Variants in GALNT13 observed in about 807,000 individuals in gnomAD.
The protein encoded by GALNT13 is polypeptide N-acetylgalactosaminyltransferase 13, also known as UDP-GalNAc:polypeptide N-acetylgalactosaminyltransferase 13.
GALNT13 carries 28 observed loss-of-function variants against 64.2 expected under a neutral mutation model. The observed-to-expected ratio is 0.44, with a 90% CI of 0.32 to 0.60. The LOEUF (loss-of-function observed/expected upper bound fraction) is 0.60. GALNT13 is among the 20% of genes least tolerant of loss of function. The pLI is 0.05. For missense variants in GALNT13, 577 were observed against 669.8 expected, an observed-to-expected ratio of 0.86 and a Z score of 1.53; for synonymous variants, 214 against 224.6, an observed-to-expected ratio of 0.95 and a Z score of 0.42.
At chr2:154,345,588 A>G (rs984994651) in intron 9 of GALNT13, among the ~76,000 whole-genome samples, 3 of 152,060 alleles carry the variant, frequency 2.0e-5, no homozygotes, top group Non-Finnish European at 4.4e-5. Context: ...CACTTCTAGA[A>G]AAAAGAAAGG....
At chr2:153,878,180 T>C (rs1203702888) in intron 1 of GALNT13, among the ~76,000 whole-genome samples, 1 of 152,236 alleles carries the variant, frequency 6.6e-6, no homozygotes, top group Non-Finnish European at 1.5e-5. Flanking sequence ...GTGGATATTT[T>C]AACACCAAAT....
At chr2:153,507,461 A>G in the GALNT13 span, among the ~76,000 whole-genome samples, 8,430 of 152,022 alleles carry the variant, frequency 0.055, 772 homozygotes, top group African/African-American at 0.19. Flanking sequence ...TTGTATTTTT[A>G]GTAGAGATGG....
chr2:153,684,932 G>C, the GALNT13 span, among the ~76,000 whole-genome samples: 2 of 151,602 alleles, frequency 1.3e-5, no homozygotes, highest in Non-Finnish European at 2.9e-5. Context: ...GTGTTAGTTT[G>C]CTAAGGATAA....
At chr2:154,364,332 G>T (rs1433625767) in intron 9 of GALNT13, among the ~76,000 whole-genome samples, 1 of 152,110 alleles carries the variant, frequency 6.6e-6, no homozygotes, top group Non-Finnish European at 1.5e-5. Flanking sequence ...ACTGTATAAA[G>T]CATTAACACA....
chr2:154,122,870 A>C (rs186103978), intron 3 of GALNT13, among the ~76,000 whole-genome samples: 1 of 151,408 alleles, frequency 6.6e-6, no homozygotes, highest in East Asian at 2.1e-4. Flanking sequence ...AAAAGTGTAC[A>C]TTTAGTCACT....
the GALNT13 span, among the ~76,000 whole-genome samples, chr2:153,338,377 A>C: frequency 1.3e-5 from 2 of 152,210 alleles, no homozygotes; most frequent in Admixed American, 1.3e-4. Flanking sequence ...TTAATTGATG[A>C]TTATACAACT....
the GALNT13 span, among the ~76,000 whole-genome samples, chr2:153,411,814 A>T: frequency 6.6e-6 from 1 of 152,200 alleles, no homozygotes; most frequent in Non-Finnish European, 1.5e-5. Flanking sequence ...TGCTATAAAG[A>T]ATTCATCCAA....
chr2:153,837,894 T>C, the GALNT13 span, among the ~76,000 whole-genome samples: 1 of 152,062 alleles, frequency 6.6e-6, no homozygotes, highest in Non-Finnish European at 1.5e-5. Flanking sequence ...TTCAATAATG[T>C]ACAAGTGTTT....
chr2:153,075,422 A>T, the GALNT13 span, among the ~76,000 whole-genome samples: 4 of 152,164 alleles, frequency 2.6e-5, no homozygotes, highest in African/African-American at 2.4e-5. Context: ...TATCTCACAT[A>T]CTAATTTTTC....
the GALNT13 span, among the ~76,000 whole-genome samples, chr2:153,768,232 G>C: frequency 2.0e-4 from 31 of 152,296 alleles, no homozygotes; most frequent in East Asian, 5.6e-3. Flanking sequence ...TTTGGAGAAT[G>C]TTCCATGCAC....
the GALNT13 span, among the ~76,000 whole-genome samples, chr2:153,445,906 G>A: frequency 0.012 from 1,881 of 151,846 alleles, 19 homozygotes; most frequent in South Asian, 0.026. Flanking sequence ...TTAAGGAGTG[G>A]GATTAAAAAG....
chr2:154,195,182 T>C (rs749058649), intron 4 of GALNT13, among the ~76,000 whole-genome samples: 3 of 152,136 alleles, frequency 2.0e-5, no homozygotes, highest in Non-Finnish European at 2.9e-5. Context: ...TACATCATCT[T>C]AAAGATGACT....
At position 154,004,850 on chromosome 2, in the gene GALNT13, T is replaced by G. The variant is rs113528775; in HGVS notation, c.142+60211T>G. 1.7e-3 allele frequency among the ~76,000 whole-genome samples: 255 copies of G among 152,318 alleles called. 1 individual carries two copies. In the Middle Eastern group the frequency reaches 0.017, roughly 10 times the overall value. ...ACAATGCTAAACAAACAAATACACATACCAGGTAGATAGTGACTCAGTGAT... is the reference window on the plus strand; with the variant it reads ...ACAATGCTAAACAAACAAATACACAGACCAGGTAGATAGTGACTCAGTGAT... On this transcript the variant is annotated intron_variant, in intron 3 of 12. Transcript: ENST00000392825.
At chr2:153,443,566 G>A in the GALNT13 span, among the ~76,000 whole-genome samples, 1 of 152,056 alleles carries the variant, frequency 6.6e-6, no homozygotes, top group African/African-American at 2.4e-5. Flanking sequence ...TTTTTTATGT[G>A]CGGAGCACTC....
chr2:153,112,685 T>C, the GALNT13 span, among the ~76,000 whole-genome samples: 1 of 152,088 alleles, frequency 6.6e-6, no homozygotes, highest in Non-Finnish European at 1.5e-5. Flanking sequence ...TAGGCTTATA[T>C]TTATGTTCTT....
chr2:153,770,794 G>A, the GALNT13 span, among the ~76,000 whole-genome samples: 1 of 152,200 alleles, frequency 6.6e-6, no homozygotes, highest in Non-Finnish European at 1.5e-5. Flanking sequence ...TGGAGGGAAG[G>A]ACCAAGATGA....
the GALNT13 span, among the ~76,000 whole-genome samples, chr2:153,812,924 C>T: frequency 6.6e-6 from 1 of 152,166 alleles, no homozygotes; most frequent in East Asian, 1.9e-4. Flanking sequence ...TTAGCTGAAC[C>T]ATTCTACATA....
At chr2:153,303,561 T>G in the GALNT13 span, among the ~76,000 whole-genome samples, 1 of 152,198 alleles carries the variant, frequency 6.6e-6, no homozygotes. Flanking sequence ...GCCTATTTTC[T>G]CTGGCTAGGA....
the GALNT13 span, among the ~76,000 whole-genome samples, chr2:153,650,611 C>T: frequency 6.6e-6 from 1 of 152,062 alleles, no homozygotes; most frequent in African/African-American, 2.4e-5. Flanking sequence ...ACAGGTTGTT[C>T]CTTTCCATGT....
Sources: allele counts gnomAD v4.1 joint callset (sites outside exome capture counted in the v4.1 genomes callset), GRCh38; gene constraint gnomAD v4.1.1; transcripts MANE v1.5; gene names NCBI Gene and HGNC (gene_info 2026-07-23, HGNC 2026-07-21).